Variants in GADL1 observed in about 807,000 individuals in gnomAD.
The protein encoded by GADL1 is GAD like acidic amino acid decarboxylase 1.
A neutral mutation model predicts 69.5 loss-of-function variants in GADL1; 71 were observed. The ratio of observed to expected loss-of-function variants is 1.02; its 90% CI spans 0.84 to 1.25. The LOEUF (loss-of-function observed/expected upper bound fraction) is 1.25. Ranked by LOEUF, GADL1 falls within the 50% of genes most tolerant of loss-of-function variation. GADL1 has a pLI of 0.00. For synonymous variants in GADL1, 254 were observed against 214.4 expected, an observed-to-expected ratio of 1.18 and a Z score of -1.62; for missense variants, 737 against 631.8, an observed-to-expected ratio of 1.17 and a Z score of -1.79.
chr3:30,748,014 A>T (rs996775982), intron 14 of GADL1, among the ~76,000 whole-genome samples: 4 of 152,358 alleles, frequency 2.6e-5, no homozygotes, highest in African/African-American at 9.6e-5. Flanking sequence ...TTACAAGTAC[A>T]GCCTACAAAA....
intron 14 of GADL1, among the ~76,000 whole-genome samples, chr3:30,753,854 CCTCA>C (rs1176699833): frequency 2.0e-5 from 3 of 152,166 alleles, no homozygotes; most frequent in Non-Finnish European, 4.4e-5. Flanking sequence ...CTCTGAGGCT[CCTCA>C]CTCAACTTTT....
chr3:30,759,017 C>A (rs555854473), intron 14 of GADL1, among the ~76,000 whole-genome samples: 1 of 102,662 alleles, frequency 9.7e-6, no homozygotes, highest in Non-Finnish European at 2.2e-5. Flanking sequence ...GACATACCTG[C>A]ACATAATTTC....
chr3:30,858,434 G>A (rs1028699866), intron 2 of GADL1, among the ~76,000 whole-genome samples: 2 of 151,980 alleles, frequency 1.3e-5, no homozygotes, highest in African/African-American at 4.8e-5. Flanking sequence ...AATAAGCCAG[G>A]CAAGAGAAGG....
At chr3:30,837,107 T>A (rs971567997) in intron 9 of GADL1, among the ~76,000 whole-genome samples, 1 of 152,034 alleles carries the variant, frequency 6.6e-6, no homozygotes, top group Non-Finnish European at 1.5e-5. Context: ...ATGGTTTTAC[T>A]GAAAACCCAG....
chr3:30,751,446 A>G (rs915646491), intron 14 of GADL1, among the ~76,000 whole-genome samples: 18 of 147,362 alleles, frequency 1.2e-4, no homozygotes, highest in African/African-American at 4.5e-4. Flanking sequence ...TGCTTCTTTT[A>G]TTCCTTCGTG....
intron 8 of GADL1, among the ~76,000 whole-genome samples, chr3:30,839,514 C>CAAAAA (rs764490080): frequency 6.6e-5 from 7 of 105,648 alleles, no homozygotes; most frequent in South Asian, 3.2e-4. Flanking sequence ...GTCATCTTCT[C>CAAAAA]AAAAAAAAAA....
At chr3:30,808,786 T>C (rs1313286303) in intron 11 of GADL1, among the ~76,000 whole-genome samples, 1 of 152,212 alleles carries the variant, frequency 6.6e-6, no homozygotes, top group Non-Finnish European at 1.5e-5. Flanking sequence ...CTCTTTTTTC[T>C]TCCCTCACTG....
chr3:30,834,119 C>T (rs531964448), intron 10 of GADL1, 98 bp downstream of exon 10: 2 of 1,107,908 alleles, frequency 1.8e-6, no homozygotes, highest in African/African-American at 3.1e-5. Context: ...TTAAGGAAAA[C>T]AATTACTTTG....
intron 11 of GADL1, among the ~76,000 whole-genome samples, chr3:30,831,167 T>C (rs1422157852): frequency 6.6e-6 from 1 of 152,016 alleles, no homozygotes; most frequent in Non-Finnish European, 1.5e-5. Context: ...TCTGTTGTTC[T>C]AAAGATCAAG....
At chr3:30,885,981 A>C (rs976460325) in intron 1 of GADL1, among the ~76,000 whole-genome samples, 4 of 152,112 alleles carry the variant, frequency 2.6e-5, no homozygotes, top group African/African-American at 9.7e-5. Flanking sequence ...GAGAAAAGAA[A>C]TAATTGCCAG....
chr3:30,821,735 T>C (rs1697585125), intron 11 of GADL1, among the ~76,000 whole-genome samples: 1 of 151,704 alleles, frequency 6.6e-6, no homozygotes, highest in African/African-American at 2.4e-5. Context: ...TGATAATAAG[T>C]CATTTTTTAA....
intron 6 of GADL1, among the ~76,000 whole-genome samples, chr3:30,844,710 T>C (rs1698026820): frequency 6.6e-6 from 1 of 152,126 alleles, no homozygotes; most frequent in Admixed American, 6.5e-5. Context: ...ACAAATAATA[T>C]ACACTCTCCA....
chr3:30,751,609 T>C (rs888029346), intron 14 of GADL1, among the ~76,000 whole-genome samples: 1 of 151,994 alleles, frequency 6.6e-6, no homozygotes, highest in African/African-American at 2.4e-5. Context: ...CTATAGAAGA[T>C]AGGCTAATGT....
chr3:30,809,672 T>A (rs1697317450), intron 11 of GADL1, among the ~76,000 whole-genome samples: 2 of 152,212 alleles, frequency 1.3e-5, no homozygotes, highest in African/African-American at 2.4e-5. Context: ...TTCTGGAAGA[T>A]GTTTTGTACA....
chr3:30,783,357 G>A (rs1696711251), intron 13 of GADL1, among the ~76,000 whole-genome samples: 1 of 152,158 alleles, frequency 6.6e-6, no homozygotes. Context: ...ATTTTCAGGG[G>A]CCTATGAATA....
intron 11 of GADL1, among the ~76,000 whole-genome samples, chr3:30,806,557 TAAA>T (rs1487356705): frequency 1.3e-5 from 2 of 151,946 alleles, no homozygotes; most frequent in African/African-American, 2.4e-5. Context: ...TAATGGTAAA[TAAA>T]AAAGTCACCA....
At chr3:30,800,187 GA>G in intron 12 of GADL1, 1 of 152,868 alleles carries the variant, frequency 6.5e-6, no homozygotes, top group Non-Finnish European at 1.5e-5. Flanking sequence ...AGACTGGGAA[GA>G]AAAAGGTTTA....
intron 14 of GADL1, among the ~76,000 whole-genome samples, chr3:30,756,866 CTTGA>C (rs1695987442): frequency 6.8e-6 from 1 of 146,434 alleles, no homozygotes; most frequent in Admixed American, 6.9e-5. Flanking sequence ...GAAAGATAGG[CTTGA>C]TTGTGTTTAA....
chr3:30,854,319 C>T (rs758188521), intron 4 of GADL1, among the ~76,000 whole-genome samples: 3 of 152,058 alleles, frequency 2.0e-5, no homozygotes, highest in Non-Finnish European at 4.4e-5. Context: ...TTTTGTGGAC[C>T]ACTTCGATTA....
Sources: allele counts gnomAD v4.1 joint callset (sites outside exome capture counted in the v4.1 genomes callset), GRCh38; gene constraint gnomAD v4.1.1; transcripts MANE v1.5; gene names NCBI Gene and HGNC (gene_info 2026-07-23, HGNC 2026-07-21).